Variants in ST3GAL3 observed in about 807,000 individuals in gnomAD.
The protein encoded by ST3GAL3 is ST3 beta-galactoside alpha-2,3-sialyltransferase 3.
In ST3GAL3, 21 loss-of-function variants were observed where a neutral mutation model predicts 50.1. The observed-to-expected ratio is 0.42, with a 90% CI of 0.30 to 0.60. The LOEUF (loss-of-function observed/expected upper bound fraction) is 0.60, where lower values mean the gene tolerates loss of function less well. Ranked by LOEUF, ST3GAL3 falls within the 20% of genes least tolerant of loss-of-function variation. The pLI is 0.19. For synonymous variants in ST3GAL3, 183 were observed against 190.0 expected (o/e 0.96, Z 0.30); for missense variants, 353 against 489.4 (o/e 0.72, Z 2.63).
At chr1:43,814,995 A>C in intron 4 of ST3GAL3, 62 bp downstream of exon 4, 2 of 1,521,912 alleles carry the variant, frequency 1.3e-6, no homozygotes, top group Non-Finnish European at 1.8e-6. Context: ...GCTGGGTCTC[A>C]CTTTGAAGGG....
At chr1:43,921,796 T>C (rs1158489550) in intron 11 of ST3GAL3, 1 of 398,644 alleles carries the variant, frequency 2.5e-6, no homozygotes, top group Non-Finnish European at 4.4e-6. Flanking sequence ...GGGACTCTGA[T>C]CTGTCGGGCT....
intron 3 of ST3GAL3, among the ~76,000 whole-genome samples, chr1:43,794,811 C>T (rs1465486583): frequency 6.6e-6 from 1 of 152,062 alleles, no homozygotes; most frequent in Non-Finnish European, 1.5e-5. Flanking sequence ...AGAAGTCAGA[C>T]AAAACAGTAC....
Position 43,838,207 on chromosome 1 carries a change from C to T in ST3GAL3, c.210-12C>T. On this transcript the variant is annotated splice_polypyrimidine_tract_variant and intron_variant, in intron 4 of 11. Coordinates refer to ENST00000347631, the MANE Select transcript of ST3GAL3 (RefSeq NM_006279.5). ...TGCCTGGCAAGCTGTAACTTTCCTT[C>T]TCTTCCCATAGGCCTGCTGAATTAG... 1 of 1,590,288 alleles carries T rather than the reference C, an allele frequency of 6.3e-7. No homozygotes were observed. Among genetic ancestry groups the T allele is most frequent in the Non-Finnish European group, 8.6e-7 (1 of 1,164,784 alleles).
At chr1:43,880,916 CTGT>C (rs1033006994) in intron 5 of ST3GAL3, among the ~76,000 whole-genome samples, 58 of 152,312 alleles carry the variant, frequency 3.8e-4, no homozygotes, top group Admixed American at 1.4e-3. Context: ...GCTATTATTA[CTGT>C]TGTTATTATT....
chr1:43,824,843 T>C (rs752558318), intron 4 of ST3GAL3: 1 of 1,131,682 alleles, frequency 8.8e-7, no homozygotes, highest in Non-Finnish European at 1.3e-6. Context: ...GATTTTGAAG[T>C]CACTGAGCGA....
intron 5 of ST3GAL3, chr1:43,850,712 G>T: frequency 2.7e-6 from 2 of 736,830 alleles, no homozygotes. Flanking sequence ...CTGTTTGGTA[G>T]CCCAGCTCCG....
intron 2 of ST3GAL3, among the ~76,000 whole-genome samples, chr1:43,774,265 G>GT (rs1185553217): frequency 6.6e-6 from 1 of 152,044 alleles, no homozygotes; most frequent in East Asian, 1.9e-4. Context: ...TTCTAACTTG[G>GT]TTTTTTCTTT....
chr1:43,850,492 G>T (rs1167401598), intron 5 of ST3GAL3: 3 of 626,704 alleles, frequency 4.8e-6, no homozygotes, highest in Non-Finnish European at 9.1e-6. Flanking sequence ...GCTACCTTTT[G>T]GAAGCCTTTT....
chr1:43,925,062 G>T (rs1473874551), intron 11 of ST3GAL3, among the ~76,000 whole-genome samples: 1 of 152,126 alleles, frequency 6.6e-6, no homozygotes, highest in Non-Finnish European at 1.5e-5. Flanking sequence ...AGCTGAGGCG[G>T]GTGGATCACC....
intron 3 of ST3GAL3, among the ~76,000 whole-genome samples, chr1:43,797,725 C>A (rs1011419046): frequency 1.3e-5 from 2 of 152,086 alleles, no homozygotes; most frequent in Non-Finnish European, 2.9e-5. Context: ...TCAGGAAATA[C>A]TTCTGGAAGG....
rs530691518 is a variant in ST3GAL3 at position 43,914,653 on chromosome 1, T to G, written c.745-5751T>G. 7 of 152,404 alleles carry G rather than the reference T, an allele frequency of 4.6e-5. No homozygotes were observed. The South Asian group carries it at 8.3e-4, about 18-fold the overall frequency. The allele number at this position is 152,404 out of a possible 1,614,324, so 9.4% of individuals were successfully genotyped here. On this transcript the variant is annotated intron_variant, in intron 9 of 11. Transcript: ENST00000347631. Reference sequence around the variant, plus strand: ...ACAGTCGTGAAACCAGCCTGGAGCCTCCTCACACAGGCCCCCAGCTGTGCC... The same window carrying G: ...ACAGTCGTGAAACCAGCCTGGAGCCGCCTCACACAGGCCCCCAGCTGTGCC...
intron 2 of ST3GAL3, 134 bp downstream of exon 2, chr1:43,736,514 T>C: frequency 6.6e-7 from 1 of 1,518,980 alleles, no homozygotes; most frequent in Non-Finnish European, 9.1e-7. Context: ...GACTTTGGCC[T>C]AGAAATTGCC....
At chr1:43,718,680 T>TTTTCATC (rs1491397258) in intron 1 of ST3GAL3, among the ~76,000 whole-genome samples, 2 of 1,294 alleles carry the variant, frequency 1.5e-3, no homozygotes, top group Non-Finnish European at 0.011. Context: ...CTGCTACATC[T>TTTTCATC]TTTTTTTTTT....
chr1:43,797,545 A>G (rs909360818), intron 3 of ST3GAL3, among the ~76,000 whole-genome samples: 4 of 152,194 alleles, frequency 2.6e-5, no homozygotes, highest in Admixed American at 1.3e-4. Flanking sequence ...AAAAAACTGC[A>G]TGGTCTTATT....
Position 43,899,590 on chromosome 1 carries a change from A to G in ST3GAL3, c.607A>G (p.Thr203Ala), listed in dbSNP as rs1363218656. The G allele has an allele frequency of 6.2e-7, 1 of 1,613,998 alleles. No homozygotes were observed. Among genetic ancestry groups the G allele is most frequent in the Non-Finnish European group, 8.5e-7 (1 of 1,180,010 alleles). Reference protein sequence around the residue: ...KGFEKDVGSKTTLRITYPEGA... With the variant: ...KGFEKDVGSKATLRITYPEGA... ...CTTTGAGAAGGACGTGGGCAGCAAA[A>G]CGACACTGCGCATCACCTACCCCGA... The change falls in exon 9 of 12, where the codon ACG becomes GCG. Residue 203 changes from threonine to alanine, a missense_variant. Thr to Ala is a moderately conservative substitution (Grantham distance 58). Transcript: ENST00000347631. The surrounding 1 kb of genome is among the most constrained non-coding windows in gnomAD (Gnocchi z 5.4).
intron 5 of ST3GAL3, chr1:43,851,247 T>C: frequency 1.3e-6 from 2 of 1,574,692 alleles, no homozygotes; most frequent in East Asian, 4.5e-5. Context: ...TCAAAGAAGA[T>C]GGACGTGGCA....
chr1:43,886,858 G>T (rs551308887), intron 5 of ST3GAL3, among the ~76,000 whole-genome samples: 1 of 152,290 alleles, frequency 6.6e-6, no homozygotes, highest in East Asian at 1.9e-4. Context: ...TTGTTTGTTT[G>T]TTTGTTTGTT....
chr1:43,909,007 A>G (rs187116637), intron 9 of ST3GAL3, among the ~76,000 whole-genome samples: 7 of 152,066 alleles, frequency 4.6e-5, no homozygotes, highest in Non-Finnish European at 1.0e-4. Flanking sequence ...TCACGCCTCT[A>G]TGTTCTACCT....
At chr1:43,751,625 G>T (rs148398123) in intron 2 of ST3GAL3, among the ~76,000 whole-genome samples, 29 of 152,258 alleles carry the variant, frequency 1.9e-4, no homozygotes, top group African/African-American at 7.0e-4. Flanking sequence ...AAATGCATAT[G>T]TATACAGATA....
Sources: allele counts gnomAD v4.1 joint callset (sites outside exome capture counted in the v4.1 genomes callset), GRCh38; gene constraint gnomAD v4.1.1; non-coding constraint Gnocchi (gnomAD v3.1); transcripts MANE v1.5; gene names NCBI Gene and HGNC (gene_info 2026-07-23, HGNC 2026-07-21).